Variants in COL21A1 observed in about 807,000 individuals in gnomAD.
COL21A1 encodes the protein collagen alpha-1(XXI) chain.
COL21A1 carries 149 observed loss-of-function variants against 137.9 expected under a neutral mutation model. That is an observed-to-expected ratio of 1.08 (90% CI 0.95 to 1.24). The LOEUF is 1.24. Ranked by LOEUF, COL21A1 falls within the 50% of genes most tolerant of loss-of-function variation. The probability of loss-of-function intolerance (pLI) is 0.00; values close to 1 mark genes in which losing one functional copy is unlikely to be tolerated. For synonymous variants in COL21A1, 456 were observed against 391.5 expected (o/e 1.16, Z -1.95); for missense variants, 1,167 against 1,158.4 (o/e 1.01, Z -0.11).
At chr6:56,286,314 C>T (rs889830627) in intron 1 of COL21A1, among the ~76,000 whole-genome samples, 4 of 152,182 alleles carry the variant, frequency 2.6e-5, no homozygotes, top group Non-Finnish European at 2.9e-5. Context: ...AATTTGTATA[C>T]AAACACATGT....
intron 16 of COL21A1, among the ~76,000 whole-genome samples, chr6:56,119,758 C>T (rs1772288536): frequency 6.6e-6 from 1 of 152,090 alleles, no homozygotes; most frequent in African/African-American, 2.4e-5. Context: ...AATCTACATA[C>T]CTACAGTGAA....
intron 16 of COL21A1, among the ~76,000 whole-genome samples, chr6:56,118,642 C>A (rs569535858): frequency 6.6e-6 from 1 of 152,126 alleles, no homozygotes; most frequent in Non-Finnish European, 1.5e-5. Context: ...AACTACAGGC[C>A]AATATCTCTG....
At chr6:56,142,046 C>T (rs919669295) in intron 10 of COL21A1, 63 bp from the exon 11 acceptor site, 44 of 1,190,384 alleles carry the variant, frequency 3.7e-5, no homozygotes, top group African/African-American at 2.2e-4. Flanking sequence ...AGAAGTTCTT[C>T]GTTTCAGAAT....
At chr6:56,118,143 T>TG (rs548286105) in intron 16 of COL21A1, among the ~76,000 whole-genome samples, 8 of 878 alleles carry the variant, frequency 9.1e-3, no homozygotes, top group African/African-American at 0.027. Context: ...AACAAAAAGT[T>TG]GTTTTTTTTG....
intron 1 of COL21A1, among the ~76,000 whole-genome samples, chr6:56,222,836 A>G (rs192687914): frequency 1.3e-5 from 2 of 152,228 alleles, no homozygotes; most frequent in Admixed American, 1.3e-4. Context: ...ACAGATTAGT[A>G]CTTACAGTTT....
chr6:56,375,101 G>C (rs1315565714), intron 1 of COL21A1, among the ~76,000 whole-genome samples: 1 of 152,150 alleles, frequency 6.6e-6, no homozygotes, highest in Non-Finnish European at 1.5e-5. Context: ...CAGTTTGAAA[G>C]AAAAGTGAGA....
At chr6:56,151,618 CTATT>C (rs1404089858) in intron 10 of COL21A1, among the ~76,000 whole-genome samples, 20 of 152,256 alleles carry the variant, frequency 1.3e-4, no homozygotes, top group African/African-American at 4.8e-4. Context: ...GAATAATTTC[CTATT>C]TAAAGTTTCA....
At chr6:56,157,894 G>GA (rs915893487) in intron 9 of COL21A1, among the ~76,000 whole-genome samples, 3 of 151,932 alleles carry the variant, frequency 2.0e-5, no homozygotes, top group Non-Finnish European at 4.4e-5. Context: ...TTTAAATGAA[G>GA]AAAAAAAACT....
Position 56,168,279 on chromosome 6 carries a change from A to C in COL21A1, c.1045T>G (p.Trp349Gly). 2.6e-6 allele frequency: 4 copies of C among 1,542,778 alleles called. No homozygotes were observed. Among genetic ancestry groups the C allele is most frequent in the Non-Finnish European group, 3.5e-6 (4 of 1,138,678 alleles). The change falls in exon 6 of 30, where the codon TGG (tryptophan) becomes GGG (glycine). Residue 349 changes from tryptophan to glycine, a missense_variant. By Grantham distance (184) the Trp-to-Gly change is radical (BLOSUM62 -2). Coordinates refer to ENST00000244728, the MANE Select transcript of COL21A1 (RefSeq NM_030820.4). The stretch of plus-strand genomic sequence containing the variant: ...GTTACTAAGAGACGAATTTGGTGCC[A>C]GCCTTCATCAAACAACGTCTACAAA... ...PQVKTLFDEGWHQIRLLVTEQ... is the reference protein window; with the variant it reads ...PQVKTLFDEGGHQIRLLVTEQ...
chr6:56,220,639 G>A (rs376717968), intron 1 of COL21A1, among the ~76,000 whole-genome samples: 14 of 151,980 alleles, frequency 9.2e-5, no homozygotes, highest in Admixed American at 4.6e-4. Context: ...GAACTTATCC[G>A]AGAAGAGGAA....
intron 17 of COL21A1, 32 bp from the exon 18 acceptor site, chr6:56,077,605 T>G (rs538113793): frequency 7.3e-7 from 1 of 1,367,458 alleles, no homozygotes; most frequent in African/African-American, 1.5e-5. Context: ...TTTTAACTTA[T>G]AAAAAATTGA....
At chr6:56,119,014 C>T (rs940601785) in intron 16 of COL21A1, among the ~76,000 whole-genome samples, 1 of 152,076 alleles carries the variant, frequency 6.6e-6, no homozygotes, top group Non-Finnish European at 1.5e-5. Context: ...CCTGTAAGAT[C>T]TGAAACATGA....
intron 1 of COL21A1, among the ~76,000 whole-genome samples, chr6:56,292,393 C>CA (rs1346563771): frequency 2.4e-5 from 3 of 125,426 alleles, no homozygotes; most frequent in Non-Finnish European, 3.4e-5. Context: ...AAACAGGGAC[C>CA]CCCCCCCTCC....
chr6:56,324,859 TA>T (rs1386218597), intron 1 of COL21A1, among the ~76,000 whole-genome samples: 1 of 151,846 alleles, frequency 6.6e-6, no homozygotes, highest in African/African-American at 2.4e-5. Flanking sequence ...AGCGGGTCAG[TA>T]AACCTAGGAA....
At position 56,119,429 on chromosome 6, in the gene COL21A1, AT is replaced by A. The variant is rs552161804; in HGVS notation, c.1758+4632del. ...GAAGAGGACACCAAAAAATAAAAAAATATTTCATGTTCATGGGTTTGAAGAA... is the reference window on the plus strand; with the variant it reads ...GAAGAGGACACCAAAAAATAAAAAAAATTTCATGTTCATGGGTTTGAAGAA... On this transcript the variant is annotated intron_variant, in intron 16 of 29. Transcript: ENST00000244728. Among the ~76,000 whole-genome samples the A allele has an allele frequency of 3.8e-3, 580 of 152,318 alleles. 6 individuals are homozygous for A. The highest frequency in any genetic ancestry group is 0.013 in the African/African-American group (542 of 41,580).
chr6:56,149,241 A>G (rs1245095914), intron 10 of COL21A1, among the ~76,000 whole-genome samples: 2 of 152,226 alleles, frequency 1.3e-5, no homozygotes, highest in Admixed American at 6.5e-5. Context: ...TAAAGATCAT[A>G]ATAAGATAAA....
chr6:56,088,361 C>A (rs1357202750), intron 17 of COL21A1, among the ~76,000 whole-genome samples: 1 of 151,864 alleles, frequency 6.6e-6, no homozygotes, highest in Non-Finnish European at 1.5e-5. Flanking sequence ...GAGACTCCAT[C>A]TCAAAAAAAA....
In COL21A1 at chr6:56,393,572, G is replaced by T. The variant is rs185366814; in HGVS notation, c.-39+399C>A. ...CAAAGTGGAAGATGGTGGATTGGTGGAATTGTTAGCATGCGTCTCCCACTT... is the reference window on the plus strand; with the variant it reads ...CAAAGTGGAAGATGGTGGATTGGTGTAATTGTTAGCATGCGTCTCCCACTT... On this transcript the variant is annotated intron_variant, in intron 1 of 28. Transcript: ENST00000370819. Among the ~76,000 whole-genome samples, 3 of 152,266 alleles carry T rather than the reference G, an allele frequency of 2.0e-5. No individual in the cohort carries two copies. The East Asian group carries it at 5.8e-4, about 29-fold the overall frequency.
At chr6:56,325,581 A>AT (rs1239364374) in intron 1 of COL21A1, among the ~76,000 whole-genome samples, 1 of 34,504 alleles carries the variant, frequency 2.9e-5, no homozygotes, top group Non-Finnish European at 5.3e-5. Flanking sequence ...TCTATAATAT[A>AT]TATCTATAAT....
Sources: gnomAD v4.1 joint callset for allele counts (sites outside exome capture counted in the v4.1 genomes callset) on GRCh38, gnomAD v4.1.1 for gene constraint, MANE v1.5 for transcripts, NCBI Gene and HGNC (gene_info 2026-07-23, HGNC 2026-07-21) for gene names.